Variants in SDK1 observed in about 807,000 individuals in gnomAD.
The protein encoded by SDK1 is sidekick cell adhesion molecule 1, also known as protein sidekick-1.
Under a neutral mutation model 245.5 loss-of-function variants are expected in SDK1, and 157 were observed. The ratio of observed to expected loss-of-function variants is 0.64; its 90% CI spans 0.56 to 0.73. The LOEUF (loss-of-function observed/expected upper bound fraction) is 0.73, where lower values mean the gene tolerates loss of function less well. SDK1 is among the 30% of genes least tolerant of loss of function. The pLI, the probability that SDK1 is intolerant of heterozygous loss-of-function variation, is 0.00. For missense variants in SDK1, 3,583 were observed against 3,002.3 expected (o/e 1.19, Z -4.52); for synonymous variants, 1,647 against 1,278.5 (o/e 1.29, Z -6.15).
At chr7:3,761,981 C>T (rs1310445105) in intron 4 of SDK1, among the ~76,000 whole-genome samples, 2 of 152,096 alleles carry the variant, frequency 1.3e-5, no homozygotes, top group African/African-American at 4.8e-5. Flanking sequence ...TAGTGAAATG[C>T]TTTCTTTGTA....
chr7:4,205,894 C>A lies in SDK1; in HGVS notation c.5114C>A (p.Pro1705Gln). Residue 1705 changes from proline (P) to glutamine (Q), a missense_variant, in exon 36 of 45, where the codon CCG becomes CAG. By Grantham distance (76) the Pro-to-Gln change is moderately conservative (BLOSUM62 -1). Transcript: ENST00000404826. ...FVGEAAPAMAPQNVQVTPLTA... is the reference protein window; with the variant it reads ...FVGEAAPAMAQQNVQVTPLTA... ...CTTTCCTCAGCCCCGGCCATGGCCC[C>A]GCAGAACGTGCAGGTGACCCCACTC... The A allele has an allele frequency of 1.3e-6, 2 of 1,555,052 alleles. No individual in the cohort carries two copies. The highest frequency in any genetic ancestry group is 2.4e-5 in the East Asian group (1 of 41,170).
intron 16 of SDK1, among the ~76,000 whole-genome samples, chr7:4,016,378 G>A (rs562078229): frequency 6.6e-6 from 1 of 152,236 alleles, no homozygotes; most frequent in Non-Finnish European, 1.5e-5. Context: ...GCTGATCCAG[G>A]AAAGCTCAAT....
At chr7:3,717,981 C>G (rs761664022) in intron 4 of SDK1, among the ~76,000 whole-genome samples, 2 of 150,730 alleles carry the variant, frequency 1.3e-5, no homozygotes, top group Non-Finnish European at 2.9e-5. Context: ...AAACTGTAAA[C>G]CTTTATGTCT....
chr7:3,504,182 A>ATATGTGTGTGTGTGTGTGTGTG lies in SDK1; in HGVS notation c.299-114897_299-114896insATGTGTGTGTGTGTGTGTGTGT, dbSNP rs375661314. Among the ~76,000 whole-genome samples, 483 of 131,904 alleles carry ATATGTGTGTGTGTGTGTGTGTG rather than the reference A, an allele frequency of 3.7e-3. 3 individuals carry two copies. The highest frequency in any genetic ancestry group is 8.9e-3 in the African/African-American group (318 of 35,562). The allele number at this position is 131,904 out of a possible 152,430, so 86.5% of individuals were successfully genotyped here. A position where few individuals can be genotyped will look rare whatever the true frequency, so the allele number is the denominator to read the frequency against. On this transcript the variant is annotated intron_variant, in intron 1 of 44. Coordinates refer to ENST00000404826, the MANE Select transcript of SDK1 (RefSeq NM_152744.4). ...AACCAAAAAAATTATATATATATAT[A>ATATGTGTGTGTGTGTGTGTGTG]TGTGTGTGTGTGTGTGTGTGTGTGT...
At chr7:3,641,886 T>C in intron 3 of SDK1, 72 bp from the exon 4 acceptor site, 2 of 1,273,556 alleles carry the variant, frequency 1.6e-6, no homozygotes, top group Non-Finnish European at 1.1e-6. Context: ...CACTTACCTG[T>C]TTCCATCTGT....
intron 14 of SDK1, among the ~76,000 whole-genome samples, chr7:4,010,187 C>T (rs905080433): frequency 2.6e-5 from 4 of 152,202 alleles, no homozygotes; most frequent in Admixed American, 6.5e-5. Context: ...GAATGGGAAC[C>T]GACAGCGGAT....
chr7:3,498,982 G>C (rs775690389), intron 1 of SDK1, among the ~76,000 whole-genome samples: 1 of 152,146 alleles, frequency 6.6e-6, no homozygotes, highest in African/African-American at 2.4e-5. Flanking sequence ...TGGTTGATTG[G>C]TAAGAATTTG....
In SDK1 at chr7:3,761,549, A is replaced by G. The variant is rs527693278; in HGVS notation, c.714-59901A>G. 9.4e-4 allele frequency among the ~76,000 whole-genome samples: 135 copies of G among 143,210 alleles called. 1 individual carries two copies. Among genetic ancestry groups the G allele is most frequent in the African/African-American group, 3.7e-3 (131 of 35,316 alleles). The allele number at this position is 143,210 out of a possible 152,430, so 94.0% of individuals were successfully genotyped here. On this transcript the variant is annotated intron_variant, in intron 4 of 44. Coordinates refer to ENST00000404826, the MANE Select transcript of SDK1 (RefSeq NM_152744.4). ...AGCCTGGGCGACAGAGTGAGACTCC[A>G]TCTCAAAAAAAAAAAAAATAATAAT...
intron 4 of SDK1, among the ~76,000 whole-genome samples, chr7:3,800,956 T>C (rs1779092993): frequency 6.6e-6 from 1 of 152,204 alleles, no homozygotes; most frequent in Non-Finnish European, 1.5e-5. Flanking sequence ...CTTTCTTTTT[T>C]ACACGTTTTT....
intron 22 of SDK1, among the ~76,000 whole-genome samples, chr7:4,093,780 C>T (rs1296639367): frequency 6.6e-6 from 1 of 152,184 alleles, no homozygotes; most frequent in African/African-American, 2.4e-5. Context: ...GGGACCGGAT[C>T]CTGGGCTGAT....
chr7:3,336,922 C>G (rs1249367868), intron 1 of SDK1, among the ~76,000 whole-genome samples: 1 of 152,168 alleles, frequency 6.6e-6, no homozygotes, highest in African/African-American at 2.4e-5. Flanking sequence ...CCCACTCATC[C>G]CTGGTATTAA....
intron 30 of SDK1, among the ~76,000 whole-genome samples, chr7:4,154,809 G>A (rs1409667205): frequency 6.6e-6 from 1 of 152,132 alleles, no homozygotes; most frequent in Non-Finnish European, 1.5e-5. Context: ...AGAGGTTTGG[G>A]CTGGCTTGGA....
chr7:4,240,660 G>T (rs1298523023), intron 42 of SDK1, among the ~76,000 whole-genome samples: 1 of 152,178 alleles, frequency 6.6e-6, no homozygotes, highest in African/African-American at 2.4e-5. Context: ...ATGTGTGTAG[G>T]CGCTGTCCTG....
chr7:3,860,867 A>C (rs1272180891), intron 5 of SDK1, among the ~76,000 whole-genome samples: 1 of 152,174 alleles, frequency 6.6e-6, no homozygotes, highest in Non-Finnish European at 1.5e-5. Flanking sequence ...AGAATTGCTG[A>C]CCAAAAAAAC....
At chr7:3,585,715 G>A (rs1363594329) in intron 1 of SDK1, among the ~76,000 whole-genome samples, 2 of 152,092 alleles carry the variant, frequency 1.3e-5, no homozygotes, top group African/African-American at 4.8e-5. Flanking sequence ...AGGGAAGAAG[G>A]GTGGTTGCTA....
chr7:3,697,614 CA>C (rs1172376885), intron 4 of SDK1, among the ~76,000 whole-genome samples: 1 of 152,168 alleles, frequency 6.6e-6, no homozygotes, highest in East Asian at 1.9e-4. Flanking sequence ...TCTTCATCCC[CA>C]AATCTGAATT....
chr7:3,603,906 T>C (rs1442209597), intron 1 of SDK1, among the ~76,000 whole-genome samples: 7 of 152,246 alleles, frequency 4.6e-5, no homozygotes, highest in African/African-American at 1.2e-4. Flanking sequence ...TGTTGAATTT[T>C]GTCAAAGGCC....
chr7:3,617,566 T>A (rs1781808102), intron 1 of SDK1, among the ~76,000 whole-genome samples: 1 of 152,202 alleles, frequency 6.6e-6, no homozygotes. Context: ...GGAAGTATAT[T>A]TGACTCTTGG....
chr7:3,695,555 G>A (rs1784546513), intron 4 of SDK1, among the ~76,000 whole-genome samples: 1 of 152,108 alleles, frequency 6.6e-6, no homozygotes, highest in African/African-American at 2.4e-5. Context: ...TTCGTTAAAT[G>A]TCCTTTTAAT....
Sources: allele counts gnomAD v4.1 joint callset (sites outside exome capture counted in the v4.1 genomes callset), GRCh38; gene constraint gnomAD v4.1.1; transcripts MANE v1.5; gene names NCBI Gene and HGNC (gene_info 2026-07-23, HGNC 2026-07-21).